Variants in SOAT2 observed in about 807,000 individuals in gnomAD.
The protein encoded by SOAT2 is sterol O-acyltransferase 2, also known as ACAT-2.
A neutral mutation model predicts 76.0 loss-of-function variants in SOAT2; 87 were observed. The ratio of observed to expected loss-of-function variants is 1.14; its 90% CI spans 0.96 to 1.37. SOAT2 has a LOEUF of 1.37. Among genes scored for constraint, SOAT2 ranks in the 40% most tolerant of loss-of-function variants. The probability of loss-of-function intolerance (pLI) is 0.00; values close to 1 mark genes in which losing one functional copy is unlikely to be tolerated. For synonymous variants in SOAT2, 285 were observed against 275.4 expected, an observed-to-expected ratio of 1.03 and a Z score of -0.34; for missense variants, 686 against 682.1, an observed-to-expected ratio of 1.01 and a Z score of -0.06.
At position 53,120,882 on chromosome 12, in the gene SOAT2, G is replaced by A. The variant is rs144897434; in HGVS notation, c.1136G>A (p.Arg379Gln). 134 of 1,613,220 alleles carry A rather than the reference G, an allele frequency of 8.3e-5. No homozygotes were observed. In the East Asian group the frequency reaches 1.0e-3, roughly 13 times the overall value. The stretch of plus-strand genomic sequence containing the variant: ...CGATTTGGAGACAGGATGTTCTACC[G>A]GGTGGGGCCTGGACCTAGGCCAGTT... ...MLRFGDRMFY[R>Q]DWWNSTSFSN... is the part of the protein sequence containing the mutation. Residue 379 changes from arginine to glutamine, a missense_variant and splice_region_variant, in exon 11 of 15, where the codon CGG becomes CAG. Transcript: ENST00000301466.
rs764518927 is a variant in SOAT2 at position 53,105,136 on chromosome 12, G to A, written c.168G>A (p.Ala56=). The change falls in exon 3 of 15, where the codon GCG becomes GCA. Residue 56 remains alanine (A), a synonymous_variant. Coordinates refer to ENST00000301466, the MANE Select transcript of SOAT2 (RefSeq NM_003578.4). The stretch of plus-strand genomic sequence containing the variant: ...TGAAGGCACAATTGCTGGAGCAAGC[G>A]CAGGGACAACTGAGGGAGCTGCTGG... ...EAVKAQLLEQ[A]QGQLRELLDR... The A allele has an allele frequency of 8.9e-6, 14 of 1,566,816 alleles. No individual in the cohort carries two copies. The highest frequency in any genetic ancestry group is 3.8e-5 in the Admixed American group (2 of 52,788).
At chr12:53,123,022 G>T in intron 12 of SOAT2, 59 bp from the exon 13 acceptor site, 1 of 1,499,322 alleles carries the variant, frequency 6.7e-7, no homozygotes, top group Non-Finnish European at 8.9e-7. Flanking sequence ...TGGAGGTGGG[G>T]GCTCTTTGTG....
chr12:53,118,261 C>T, intron 7 of SOAT2, 89 bp from the exon 8 acceptor site: 1 of 591,132 alleles, frequency 1.7e-6, no homozygotes, highest in South Asian at 1.6e-5. Flanking sequence ...TTTCTCCACT[C>T]ACCAATCCCA....
chr12:53,123,667 G>C, intron 13 of SOAT2, 61 bp from the exon 14 acceptor site: 1 of 1,596,242 alleles, frequency 6.3e-7, no homozygotes, highest in Non-Finnish European at 8.6e-7. Flanking sequence ...TGGAATGGGA[G>C]GGAAGCCAGG....
rs201993252 is a variant in SOAT2, at chr12:53,123,894, T to C, written c.1518+21T>C. On this transcript the variant is annotated intron_variant, in intron 14 of 14. Transcript: ENST00000301466. ...CCCAGGTAAGAGACCACAACCCTCA[T>C]CCAGCTCCCCATCCATGAGGACACA... is the stretch of plus-strand genomic sequence containing the variant. The C allele has an allele frequency of 8.7e-5, 141 of 1,613,780 alleles. No homozygotes were observed. The East Asian group carries it at 3.1e-3, about 35-fold the overall frequency.
At chr12:53,114,653 G>A (rs1724539010) in intron 5 of SOAT2, among the ~76,000 whole-genome samples, 1 of 152,112 alleles carries the variant, frequency 6.6e-6, no homozygotes, top group Non-Finnish European at 1.5e-5. Context: ...CCCGGGAGGC[G>A]GAGGTTGCAG....
At position 53,119,266 on chromosome 12, in the gene SOAT2, A is replaced by C; in HGVS notation, c.1039+13A>C. ...GCCACGTTGCCAGGTGAGCCAACTA[A>C]GGTAGGGCTAGAGCAGCTGTGCCCT... On this transcript the variant is annotated intron_variant, in intron 10 of 14. Transcript: ENST00000301466. 6.2e-7 allele frequency: 1 copy of C among 1,613,636 alleles called. No individual in the cohort carries two copies. Among genetic ancestry groups the C allele is most frequent in the Non-Finnish European group, 8.5e-7 (1 of 1,179,794 alleles).
chr12:53,118,848 CATGA>C (rs1356934826), intron 8 of SOAT2, 38 bp from the exon 9 acceptor site: 52 of 1,609,908 alleles, frequency 3.2e-5, no homozygotes, highest in Non-Finnish European at 4.3e-5. Flanking sequence ...CAGAGAACAA[CATGA>C]AAGAATGAGA....
At chr12:53,104,264 G>C in intron 2 of SOAT2, 58 bp downstream of exon 2, 1 of 1,265,316 alleles carries the variant, frequency 7.9e-7, no homozygotes, top group Non-Finnish European at 1.1e-6. Flanking sequence ...CAGGAAGCAG[G>C]AGTGAGGCTT....
chr12:53,115,003 T>C (rs1410529139), intron 5 of SOAT2, among the ~76,000 whole-genome samples: 1 of 152,188 alleles, frequency 6.6e-6, no homozygotes, highest in South Asian at 2.1e-4. Flanking sequence ...CCATACACTA[T>C]TAACCTAGGC....
At chr12:53,116,250 G>T (rs988546578) in intron 7 of SOAT2, 84 bp downstream of exon 7, 58 of 1,298,846 alleles carry the variant, frequency 4.5e-5, no homozygotes, top group Non-Finnish European at 6.4e-5. Context: ...CCTGATAAAA[G>T]TCCCTGCCTT....
chr12:53,115,741 G>C (rs1010014434), intron 6 of SOAT2, 87 bp downstream of exon 6: 14 of 1,400,648 alleles, frequency 1.0e-5, no homozygotes, highest in Admixed American at 5.9e-5. Flanking sequence ...AGAGGGGGCG[G>C]GGCCCACGAG....
chr12:53,121,247 C>T (rs756178903), intron 11 of SOAT2, 56 bp from the exon 12 acceptor site: 10 of 1,308,904 alleles, frequency 7.6e-6, no homozygotes, highest in African/African-American at 2.9e-5. Flanking sequence ...GGGGAGGAGC[C>T]GGAACCCAGA....
rs746307912 is a variant in SOAT2 at position 53,121,368 on chromosome 12, G to A, written c.1203G>A (p.Trp401Ter). The change falls in exon 12 of 15, where the codon TGG becomes TGA. Residue 401 changes from tryptophan to a stop codon, truncating the protein, a stop_gained. Coordinates refer to ENST00000301466, the MANE Select transcript of SOAT2 (RefSeq NM_003578.4). LOFTEE classifies it high-confidence loss of function. Reference sequence around the variant, plus strand: ...CTTGGAACGTGGTGGTCCATGACTGGCTGTACAGCTACGTGTATCAGGATG... The same window carrying A: ...CTTGGAACGTGGTGGTCCATGACTGACTGTACAGCTACGTGTATCAGGATG... ...YRTWNVVVHD[W>*]LYSYVYQDGL... The A allele has an allele frequency of 6.2e-7, 1 of 1,614,116 alleles. No individual in the cohort carries two copies. Among genetic ancestry groups the A allele is most frequent in the South Asian group, 1.1e-5 (1 of 91,084 alleles).
intron 4 of SOAT2, 23 bp from the exon 5 acceptor site, chr12:53,105,884 C>T (rs773821270): frequency 2.9e-6 from 4 of 1,380,006 alleles, no homozygotes; most frequent in South Asian, 1.3e-5. Context: ...CCCACACTGA[C>T]TTTCGGGCCC....
Position 53,123,991 on chromosome 12 carries a change from G to A in SOAT2, c.1519-82G>A. On this transcript the variant is annotated intron_variant, in intron 14 of 14. Coordinates refer to ENST00000301466, the MANE Select transcript of SOAT2 (RefSeq NM_003578.4). ...GTCAGGCACCAGGGCCTGGCTTGGG[G>A]GTGATGGACTCTCACGTCTTGGATG... 5 of 1,603,282 alleles carry A rather than the reference G, an allele frequency of 3.1e-6. No homozygotes were observed. In the South Asian group the frequency reaches 5.5e-5, roughly 18 times the overall value.
chr12:53,117,211 T>C (rs746804802), intron 7 of SOAT2, among the ~76,000 whole-genome samples: 9 of 150,448 alleles, frequency 6.0e-5, no homozygotes, highest in Non-Finnish European at 1.2e-4. Flanking sequence ...TCCACCCACC[T>C]CAGCCTCCCA....
chr12:53,114,873 G>A (rs1592277500), intron 5 of SOAT2, among the ~76,000 whole-genome samples: 1 of 152,064 alleles, frequency 6.6e-6, no homozygotes, highest in Non-Finnish European at 1.5e-5. Flanking sequence ...TTTATTTTAG[G>A]GATCTTTTCA....
intron 5 of SOAT2, among the ~76,000 whole-genome samples, chr12:53,108,943 T>C (rs1937974046): frequency 6.6e-6 from 1 of 152,162 alleles, no homozygotes; most frequent in Non-Finnish European, 1.5e-5. Flanking sequence ...CACACAACAA[T>C]TTAACATAAC....
Sources: gnomAD v4.1 joint callset for allele counts (sites outside exome capture counted in the v4.1 genomes callset) on GRCh38, gnomAD v4.1.1 for gene constraint, MANE v1.5 for transcripts, NCBI Gene and HGNC (gene_info 2026-07-23, HGNC 2026-07-21) for gene names.